Variants in FERMT3 observed in about 807,000 individuals in gnomAD.
FERMT3 encodes the protein FERM domain containing kindlin 3.
In FERMT3, 33 loss-of-function variants were observed where a neutral mutation model predicts 80.8. The observed-to-expected ratio is 0.41, with a 90% CI of 0.31 to 0.55. The LOEUF (loss-of-function observed/expected upper bound fraction) is 0.55. FERMT3 is among the 20% of genes least tolerant of loss of function. The probability of loss-of-function intolerance (pLI) is 0.31; values close to 1 mark genes in which losing one functional copy is unlikely to be tolerated. For missense variants in FERMT3, 754 were observed against 908.7 expected, an observed-to-expected ratio of 0.83 and a Z score of 2.19; for synonymous variants, 375 against 372.2, an observed-to-expected ratio of 1.01 and a Z score of -0.09.
Position 64,211,221 on chromosome 11 carries a change from C to G in FERMT3, c.514+50C>G, listed in dbSNP as rs779949403. 3 of 1,605,972 alleles carry G rather than the reference C, an allele frequency of 1.9e-6. No homozygotes were observed. Among genetic ancestry groups the G allele is most frequent in the Non-Finnish European group, 2.5e-6 (3 of 1,177,124 alleles). On this transcript the variant is annotated intron_variant, in intron 4 of 14. Coordinates refer to ENST00000345728, the MANE Select transcript of FERMT3 (RefSeq NM_031471.6). This position sits in a 1 kb window ranked among gnomAD's most constrained non-coding sequence, Gnocchi z 4.7. ...GGGGGGTTGGGGGCAGGGGCCGGCC[C>G]GTGAGTCCCAGCCCTGGGGGACAGG...
intron 6 of FERMT3, among the ~76,000 whole-genome samples, chr11:64,217,594 C>G (rs115102751): frequency 0.011 from 1,734 of 152,284 alleles, 37 homozygotes; most frequent in African/African-American, 0.04. Flanking sequence ...AACCCCCACC[C>G]CGTCCAGCTG....
Position 64,211,748 on chromosome 11 carries a change from G to C in FERMT3, c.786+1G>C. 6.2e-7 allele frequency: 1 copy of C among 1,614,158 alleles called. No individual in the cohort carries two copies. Among genetic ancestry groups the C allele is most frequent in the Non-Finnish European group, 8.5e-7 (1 of 1,180,018 alleles). ...CAGCTTCTTCGATTTGGATCCCAAG[G>C]TGGGTCGGGGCAGGGAGAAAGCGGG... is the stretch of plus-strand genomic sequence containing the variant. On this transcript the variant is annotated splice_donor_variant, in intron 6 of 14. Coordinates refer to ENST00000345728, the MANE Select transcript of FERMT3 (RefSeq NM_031471.6). LOFTEE classifies it high-confidence loss of function. The surrounding 1 kb of genome is among the most constrained non-coding windows in gnomAD (Gnocchi z 4.7).
At chr11:64,212,047 C>CA (rs1236461125) in intron 6 of FERMT3, among the ~76,000 whole-genome samples, 2 of 152,184 alleles carry the variant, frequency 1.3e-5, no homozygotes, top group African/African-American at 2.4e-5. Flanking sequence ...TCCTCATAGA[C>CA]AGTGTGTGTG....
Position 64,210,801 on chromosome 11 carries a change from C to T in FERMT3, c.351C>T (p.Ser117=), listed in dbSNP as rs1946418377. The change falls in exon 3 of 15, where the codon TCC becomes TCT. Residue 117 remains serine (S), a synonymous_variant. Coordinates refer to ENST00000345728, the MANE Select transcript of FERMT3 (RefSeq NM_031471.6). This position sits in a 1 kb window ranked among gnomAD's most constrained non-coding sequence, Gnocchi z 4.3. ...CACTGCGCCTCCGTGCCAGCTTCTC[C>T]CAGCCCCTCTTCCAGGCTGTGGCTG... is the stretch of plus-strand genomic sequence containing the variant. ...RRALRLRASF[S]QPLFQAVAAI... is the part of the protein sequence containing the mutation. The T allele has an allele frequency of 6.2e-7, 1 of 1,613,698 alleles. No individual in the cohort carries two copies. The highest frequency in any genetic ancestry group is 1.1e-5 in the South Asian group (1 of 91,084).
Position 64,211,130 on chromosome 11 carries a change from A to G in FERMT3, c.473A>G (p.Glu158Gly). The change falls in exon 4 of 15, where the codon GAG (glutamate) becomes GGG (glycine). Residue 158 changes from glutamate to glycine, a missense_variant. Glu to Gly is a moderately conservative substitution (Grantham distance 98). Transcript: ENST00000345728. This position sits in a 1 kb window ranked among gnomAD's most constrained non-coding sequence, Gnocchi z 4.7. The part of the protein sequence containing the change: ...KEKKKKEKEP[E>G]EELYDLSKVV... Reference sequence around the variant, plus strand: ...AAGAAGAAGAAAGAGAAGGAGCCAGAGGAAGAGCTCTATGACTTGAGCAAG... The same window carrying G: ...AAGAAGAAGAAAGAGAAGGAGCCAGGGGAAGAGCTCTATGACTTGAGCAAG... 1 of 1,524,866 alleles carries G rather than the reference A, an allele frequency of 6.6e-7. No individual in the cohort carries two copies. The highest frequency in any genetic ancestry group is 8.8e-7 in the Non-Finnish European group (1 of 1,135,186). The allele number at this position is 1,524,866 out of a possible 1,614,324, so 94.5% of individuals were successfully genotyped here. A position where few individuals can be genotyped will look rare whatever the true frequency, so the allele number is the denominator to read the frequency against.
chr11:64,223,348 C>T lies in FERMT3; in HGVS notation c.1848C>T (p.Ala616=). ...AGTTTGATGAACACATCAATGTGGC[C>T]TTCAGCTGCGTGTCTGCCAGCTGCC... is the stretch of plus-strand genomic sequence containing the variant. The part of the protein sequence containing the change: ...AIEFDEHINV[A]FSCVSASCRI... Residue 616 remains alanine (A), a synonymous_variant, in exon 15 of 15, where the codon GCC becomes GCT. Transcript: ENST00000345728. 1 of 1,614,100 alleles carries T rather than the reference C, an allele frequency of 6.2e-7. No individual in the cohort carries two copies.
intron 2 of FERMT3, among the ~76,000 whole-genome samples, chr11:64,209,581 C>T (rs868440093): frequency 2.6e-4 from 39 of 152,272 alleles, no homozygotes; most frequent in Middle Eastern, 6.8e-3. Flanking sequence ...GGGGATGCGG[C>T]GGCACACAGC....
At chr11:64,214,343 ATTTATC>A (rs2134859032) in intron 6 of FERMT3, among the ~76,000 whole-genome samples, 1 of 148,574 alleles carries the variant, frequency 6.7e-6, no homozygotes, top group Admixed American at 6.7e-5. Context: ...AACTGTATTT[ATTTATC>A]TATTTTTGTT....
chr11:64,211,433 C>A lies in FERMT3; in HGVS notation c.673C>A (p.Leu225Ile). Residue 225 changes from leucine to isoleucine, a missense_variant, in exon 5 of 15, where the codon CTC becomes ATC. Leu to Ile is a conservative substitution (Grantham distance 5). Coordinates refer to ENST00000345728, the MANE Select transcript of FERMT3 (RefSeq NM_031471.6). The surrounding 1 kb of genome is among the most constrained non-coding windows in gnomAD (Gnocchi z 4.7). ...RPSSLSDKTQ[L>I]HSRWLDSSRC... Reference sequence around the variant, plus strand: ...CAGCTCCCTGTCAGACAAGACCCAGCTCCACAGCAGGTGCACCCAGGAGCC... The same window carrying A: ...CAGCTCCCTGTCAGACAAGACCCAGATCCACAGCAGGTGCACCCAGGAGCC... 6.3e-7 allele frequency: 1 copy of A among 1,593,380 alleles called. No homozygotes were observed. Among genetic ancestry groups the A allele is most frequent in the Admixed American group, 1.7e-5 (1 of 58,192 alleles).
upstream of FERMT3, among the ~76,000 whole-genome samples, chr11:64,205,923 C>T (rs899267138): frequency 6.6e-6 from 1 of 152,346 alleles, no homozygotes; most frequent in East Asian, 1.9e-4. Flanking sequence ...CTGGAAAGGC[C>T]GCTGTCCTGC....
rs1427323128 is a variant in FERMT3 at position 64,207,223 on chromosome 11, G to T, written c.-14-128G>T. On this transcript the variant is annotated intron_variant, in intron 1 of 14. Transcript: ENST00000345728. ...GTACCACGGGCGTGCTGGCCTGGGTGCTCACTCCCGCCCTCCTTCATGAGC... is the reference window on the plus strand; with the variant it reads ...GTACCACGGGCGTGCTGGCCTGGGTTCTCACTCCCGCCCTCCTTCATGAGC... 6.6e-6 allele frequency: 7 copies of T among 1,061,786 alleles called. No individual in the cohort carries two copies. The Admixed American group carries it at 1.5e-4, about 23-fold the overall frequency. The allele number at this position is 1,061,786 out of a possible 1,614,324, so 65.8% of individuals were successfully genotyped here.
rs1390538067 is a variant in FERMT3 at position 64,220,825 on chromosome 11, A to AG, written c.1545+158dup. 16 of 1,285,472 alleles carry AG rather than the reference A, an allele frequency of 1.2e-5. No individual in the cohort carries two copies. In the African/African-American group the frequency reaches 2.2e-4, roughly 18 times the overall value. 79.6% of individuals were successfully genotyped at this position (1,285,472 alleles called of 1,614,324 possible). A position where few individuals can be genotyped will look rare whatever the true frequency, so the allele number is the denominator to read the frequency against. On this transcript the variant is annotated intron_variant, in intron 12 of 14. Coordinates refer to ENST00000345728, the MANE Select transcript of FERMT3 (RefSeq NM_031471.6). ...GTGCGGCTGGTACCCACCCTTTGGG[A>AG]GGAGTCACGGTCCAGGTGCCCATGT...
At chr11:64,220,048 G>GA (rs1565296035) in intron 10 of FERMT3, 33 bp downstream of exon 10, 1 of 1,611,070 alleles carries the variant, frequency 6.2e-7, no homozygotes, top group Non-Finnish European at 8.5e-7. Flanking sequence ...TGGGTGGGGG[G>GA]ATCCCCACTT....
In FERMT3 at chr11:64,220,025, C is replaced by T. The variant is rs1946642320; in HGVS notation, c.1204+10C>T. On this transcript the variant is annotated intron_variant, in intron 10 of 14. Transcript: ENST00000345728. ...CAGCTCAACCTCAAGGGTAAGTGCACAGGGCCAGGGGCTGGGTGGGGGGAT... is the reference window on the plus strand; with the variant it reads ...CAGCTCAACCTCAAGGGTAAGTGCATAGGGCCAGGGGCTGGGTGGGGGGAT... The T allele has an allele frequency of 4.3e-6, 7 of 1,613,006 alleles. No individual in the cohort carries two copies. The South Asian group carries it at 4.4e-5, about 10-fold the overall frequency.
At chr11:64,209,969 A>C (rs1441079407) in intron 2 of FERMT3, among the ~76,000 whole-genome samples, 1 of 152,156 alleles carries the variant, frequency 6.6e-6, no homozygotes, top group Non-Finnish European at 1.5e-5. Flanking sequence ...TCTCTAATTC[A>C]ATGCTCACTC....
chr11:64,208,645 G>A (rs999493085), intron 2 of FERMT3, among the ~76,000 whole-genome samples: 58 of 152,364 alleles, frequency 3.8e-4, no homozygotes, highest in South Asian at 8.3e-4. Flanking sequence ...GGGGCCTGGA[G>A]CCAGAGGAGG....
Position 64,223,873 on chromosome 11 carries a change from A to AT in FERMT3, c.*385dup. On this transcript the variant is annotated 3_prime_UTR_variant, in exon 15 of 15. Coordinates refer to ENST00000345728, the MANE Select transcript of FERMT3 (RefSeq NM_031471.6). ...TAAAATTTCTTTTTTATAAATTAAT[A>AT]TTTTATTGTTGGATCCTCCTCCTTT... The AT allele has an allele frequency of 1.3e-6, 2 of 1,573,524 alleles. No homozygotes were observed. The highest frequency in any genetic ancestry group is 1.7e-6 in the Non-Finnish European group (2 of 1,158,682).
intron 6 of FERMT3, among the ~76,000 whole-genome samples, chr11:64,215,813 G>A (rs1359895886): frequency 4.0e-5 from 6 of 150,586 alleles, no homozygotes; most frequent in East Asian, 1.9e-4. Flanking sequence ...CTCCCGCTTC[G>A]GCTTCCTGAG....
intron 2 of FERMT3, 136 bp downstream of exon 2, chr11:64,207,660 T>C: frequency 9.0e-7 from 1 of 1,114,848 alleles, no homozygotes; most frequent in Non-Finnish European, 1.3e-6. Flanking sequence ...AGCTTAATCA[T>C]TTGGTTCCAA....
Sources: gnomAD v4.1 joint callset for allele counts (sites outside exome capture counted in the v4.1 genomes callset) on GRCh38, gnomAD v4.1.1 for gene constraint, Gnocchi (gnomAD v3.1) non-coding constraint, MANE v1.5 for transcripts, NCBI Gene and HGNC (gene_info 2026-07-23, HGNC 2026-07-21) for gene names.